STX11: variants seen among roughly 807,000 people sequenced by gnomAD.
The protein encoded by STX11 is syntaxin 11.
In STX11, 21 loss-of-function variants were observed where a neutral mutation model predicts 19.9. The observed-to-expected ratio is 1.06, with a 90% CI of 0.75 to 1.52. The LOEUF is 1.52. Ranked by LOEUF, STX11 falls within the 40% of genes most tolerant of loss-of-function variation. The pLI, the probability that STX11 is intolerant of heterozygous loss-of-function variation, is 0.00. For synonymous variants in STX11, 193 were observed against 174.4 expected, an observed-to-expected ratio of 1.11 and a Z score of -0.84; for missense variants, 438 against 405.9, an observed-to-expected ratio of 1.08 and a Z score of -0.68.
rs948164186 is a variant in STX11, at chr6:144,190,841, G to A, written c.*3350G>A. ...GAAGGCATCATTTGGCCCACTGCAC[G>A]TCCTGGCCTATTCACCAAAGCCCTT... On this transcript the variant is annotated 3_prime_UTR_variant, in exon 2 of 2. Transcript: ENST00000367568. Among the ~76,000 whole-genome samples the A allele has an allele frequency of 3.9e-5, 6 of 152,300 alleles. No homozygotes were observed. The highest frequency in any genetic ancestry group is 1.2e-4 in the African/African-American group (5 of 41,568).
chr6:144,140,237 TA>T, the STX11 span, among the ~76,000 whole-genome samples: 1 of 53,594 alleles, frequency 1.9e-5, no homozygotes, highest in Admixed American at 1.8e-4. Context: ...TATATATATA[TA>T]TATATATATA....
In STX11 at chr6:144,188,610, GA is replaced by G. The variant is rs1802129632; in HGVS notation, c.*1121del. Among the ~76,000 whole-genome samples the G allele has an allele frequency of 6.6e-6, 1 of 151,636 alleles. No individual in the cohort carries two copies. Among genetic ancestry groups the G allele is most frequent in the East Asian group, 1.9e-4 (1 of 5,154 alleles). On this transcript the variant is annotated 3_prime_UTR_variant, in exon 2 of 2. Transcript: ENST00000367568. ...TGAAATGGAGAAATTCAAAGTAAAA[GA>G]ATTCTGTTTTTCAAGCAAGCTTAAT...
upstream of STX11, chr6:144,150,418 G>A: frequency 8.9e-6 from 8 of 898,554 alleles, no homozygotes; most frequent in Non-Finnish European, 1.1e-5. Context: ...CGCTCTGTGA[G>A]CCGGCTGCCG....
At position 144,164,948 on chromosome 6, in the gene STX11, C is replaced by T. The variant is rs1218314619; in HGVS notation, c.-6+14245C>T. Among the ~76,000 whole-genome samples the T allele has an allele frequency of 3.3e-5, 5 of 152,066 alleles. No homozygotes were observed. In the South Asian group the frequency reaches 6.2e-4, roughly 19 times the overall value. ...CTGACCTCAGGTGATCCGCCTGCCT[C>T]GGCCTCCCAAAGTGCTGGGATTACA... On this transcript the variant is annotated intron_variant, in intron 1 of 1. Coordinates refer to ENST00000367568, the MANE Select transcript of STX11 (RefSeq NM_003764.4).
In STX11 at chr6:144,159,516, CTGT is replaced by C. The variant is rs1801277467; in HGVS notation, c.-6+8814_-6+8816del. Among the ~76,000 whole-genome samples, 1 of 150,832 alleles carries C rather than the reference CTGT, an allele frequency of 6.6e-6. No individual in the cohort carries two copies. Among genetic ancestry groups the C allele is most frequent in the Admixed American group, 6.6e-5 (1 of 15,158 alleles). On this transcript the variant is annotated intron_variant, in intron 1 of 1. Transcript: ENST00000367568. The surrounding 1 kb of genome is among the most constrained non-coding windows in gnomAD (Gnocchi z 4.3). ...TGGTTGAGCTAGTTCAAAATTGACT[CTGT>C]GTGTGTGTGTGTGTGTGTCCGTCCA...
rs1036440046 is a variant in STX11, at chr6:144,184,710, A to C, written c.-5-1913A>C. 1.3e-5 allele frequency among the ~76,000 whole-genome samples: 2 copies of C among 152,204 alleles called. No individual in the cohort carries two copies. The highest frequency in any genetic ancestry group is 2.9e-5 in the Non-Finnish European group (2 of 68,036). On this transcript the variant is annotated intron_variant, in intron 1 of 1. Transcript: ENST00000367568. The surrounding 1 kb of genome is among the most constrained non-coding windows in gnomAD (Gnocchi z 6.5). ...GATAATGGCAGTACCTACTCATAGA[A>C]TCTGTATGAAGACTAAAGAGGGTAT...
chr6:144,183,750 G>A lies in STX11; in HGVS notation c.-5-2873G>A, dbSNP rs1334751963. Among the ~76,000 whole-genome samples, 2 of 152,068 alleles carry A rather than the reference G, an allele frequency of 1.3e-5. No individual in the cohort carries two copies. The highest frequency in any genetic ancestry group is 2.9e-5 in the Non-Finnish European group (2 of 68,012). On this transcript the variant is annotated intron_variant, in intron 1 of 1. Transcript: ENST00000367568. The surrounding 1 kb of genome is among the most constrained non-coding windows in gnomAD (Gnocchi z 4.6). Reference sequence around the variant, plus strand: ...TCTTATTTTATGTTTTTAAGTTCCGGGGTACACGTGCAAGATGCGCAGGTT... The same window carrying A: ...TCTTATTTTATGTTTTTAAGTTCCGAGGTACACGTGCAAGATGCGCAGGTT...
Position 144,154,174 on chromosome 6 carries a change from C to T in STX11, c.-6+3471C>T, listed in dbSNP as rs1801075547. Among the ~76,000 whole-genome samples the T allele has an allele frequency of 6.6e-6, 1 of 152,182 alleles. No homozygotes were observed. Among genetic ancestry groups the T allele is most frequent in the African/African-American group, 2.4e-5 (1 of 41,444 alleles). On this transcript the variant is annotated intron_variant, in intron 1 of 1. Coordinates refer to ENST00000367568, the MANE Select transcript of STX11 (RefSeq NM_003764.4). The surrounding 1 kb of genome is among the most constrained non-coding windows in gnomAD (Gnocchi z 4.7). ...TGGTTCCAGAGCTTGCATTCTGAAG[C>T]ACCCTGCTGTGATGTGCTGTCTTGA...
rs1340650573 is a variant in STX11 at position 144,189,023 on chromosome 6, G to T, written c.*1532G>T. 6.6e-6 allele frequency among the ~76,000 whole-genome samples: 1 copy of T among 151,030 alleles called. No individual in the cohort carries two copies. The highest frequency in any genetic ancestry group is 6.6e-5 in the Admixed American group (1 of 15,180). On this transcript the variant is annotated 3_prime_UTR_variant, in exon 2 of 2. Transcript: ENST00000367568. ...TTACAGGTGTGAGCCACCATGCCTG[G>T]CCTTTTTTCCCCCCTTTTGAGACAG...
At chr6:144,168,256 C>T (rs537025981) in intron 1 of STX11, among the ~76,000 whole-genome samples, 293 of 152,346 alleles carry the variant, frequency 1.9e-3, no homozygotes, top group African/African-American at 6.9e-3. Context: ...TCATCTGCCT[C>T]ATTAACAATG....
At chr6:144,158,850 C>G (rs1234855504) in intron 1 of STX11, among the ~76,000 whole-genome samples, 1 of 151,578 alleles carries the variant, frequency 6.6e-6, no homozygotes, top group Non-Finnish European at 1.5e-5. Context: ...TCCTGAAACA[C>G]CAAATTGCTG....
the STX11 span, among the ~76,000 whole-genome samples, chr6:144,140,412 G>T: frequency 6.6e-6 from 1 of 151,084 alleles, no homozygotes; most frequent in Non-Finnish European, 1.5e-5. Context: ...ACGCCACCAC[G>T]CCTGGCTAAT....
chr6:144,142,331 A>G, the STX11 span, among the ~76,000 whole-genome samples: 12 of 152,130 alleles, frequency 7.9e-5, no homozygotes, highest in Admixed American at 6.5e-4. Context: ...ACAAGCTTCA[A>G]GGGATAAAAA....
chr6:144,146,635 A>C (rs1228466765), upstream of STX11, among the ~76,000 whole-genome samples: 1 of 152,000 alleles, frequency 6.6e-6, no homozygotes, highest in Non-Finnish European at 1.5e-5. This position sits in a 1 kb window ranked among gnomAD's most constrained non-coding sequence, Gnocchi z 4.4. Context: ...TCATTGATAA[A>C]ATATGTTCTT....
In STX11 at chr6:144,172,974, A is replaced by C. The variant is rs1486639369; in HGVS notation, c.-5-13649A>C. On this transcript the variant is annotated intron_variant, in intron 1 of 1. Transcript: ENST00000367568. This position sits in a 1 kb window ranked among gnomAD's most constrained non-coding sequence, Gnocchi z 4.2. ...AAGCACATGTTACCAGGTGCCCCTG[A>C]TCCTGGGCTAGGCCATGTTCCTTGA... Among the ~76,000 whole-genome samples, 1 of 152,018 alleles carries C rather than the reference A, an allele frequency of 6.6e-6. No homozygotes were observed. Among genetic ancestry groups the C allele is most frequent in the Non-Finnish European group, 1.5e-5 (1 of 68,014 alleles).
rs936678930 is a variant in STX11 at position 144,175,559 on chromosome 6, G to A, written c.-5-11064G>A. Among the ~76,000 whole-genome samples the A allele has an allele frequency of 1.3e-5, 2 of 152,000 alleles. No individual in the cohort carries two copies. The highest frequency in any genetic ancestry group is 2.9e-5 in the Non-Finnish European group (2 of 68,014). ...TGAACTTAGGTGATCCACACACTTC[G>A]GCCTCTCAAAGTGCTGGGATTACAG... On this transcript the variant is annotated intron_variant, in intron 1 of 1. Coordinates refer to ENST00000367568, the MANE Select transcript of STX11 (RefSeq NM_003764.4). This position sits in a 1 kb window ranked among gnomAD's most constrained non-coding sequence, Gnocchi z 5.1.
intron 1 of STX11, among the ~76,000 whole-genome samples, chr6:144,181,637 A>G (rs1010591031): frequency 6.8e-6 from 1 of 147,346 alleles, no homozygotes; most frequent in Non-Finnish European, 1.5e-5. Flanking sequence ...GTAGGTATCT[A>G]TGGAATGGGT....
At position 144,151,528 on chromosome 6, in the gene STX11, GGGC is replaced by G. The variant is rs1801006521; in HGVS notation, c.-6+826_-6+828del. ...GTGAAATGCCTGCCCTGCCAACCTG[GGGC>G]AGTGGTATGGGAAGTGACGATTGAG... On this transcript the variant is annotated intron_variant, in intron 1 of 1. Coordinates refer to ENST00000367568, the MANE Select transcript of STX11 (RefSeq NM_003764.4). This position sits in a 1 kb window ranked among gnomAD's most constrained non-coding sequence, Gnocchi z 4.6. The G allele has an allele frequency of 1.4e-6, 1 of 719,180 alleles. No homozygotes were observed. Among genetic ancestry groups the G allele is most frequent in the African/African-American group, 1.9e-5 (1 of 52,014 alleles). The allele number at this position is 719,180 out of a possible 1,614,324, so 44.5% of individuals were successfully genotyped here.
rs73582934 is a variant in STX11, at chr6:144,162,065, G to A, written c.-6+11362G>A. Among the ~76,000 whole-genome samples the A allele has an allele frequency of 0.063, 9,610 of 152,094 alleles. 959 individuals carry two copies. The highest frequency in any genetic ancestry group is 0.21 in the African/African-American group (8,812 of 41,434). The stretch of plus-strand genomic sequence containing the variant: ...CTCTTTTCAGTTGGCTACCTCTACC[G>A]CACTCTAGATTCTCTTTTACCCTGT... On this transcript the variant is annotated intron_variant, in intron 1 of 1. Coordinates refer to ENST00000367568, the MANE Select transcript of STX11 (RefSeq NM_003764.4). The surrounding 1 kb of genome is among the most constrained non-coding windows in gnomAD (Gnocchi z 4.6).
Sources: allele counts gnomAD v4.1 joint callset (sites outside exome capture counted in the v4.1 genomes callset), GRCh38; gene constraint gnomAD v4.1.1; non-coding constraint Gnocchi (gnomAD v3.1); transcripts MANE v1.5; gene names NCBI Gene and HGNC (gene_info 2026-07-23, HGNC 2026-07-21).